EVC2: variants seen among roughly 807,000 people sequenced by gnomAD.
The protein encoded by EVC2 is EvC ciliary complex subunit 2.
A neutral mutation model predicts 149.3 loss-of-function variants in EVC2; 148 were observed. That is an observed-to-expected ratio of 0.99 (90% CI 0.87 to 1.14). The LOEUF is 1.14. Ranked by LOEUF, EVC2 falls within the 50% of genes most tolerant of loss-of-function variation. The probability of loss-of-function intolerance (pLI) is 0.00; values close to 1 mark genes in which losing one functional copy is unlikely to be tolerated. For missense variants in EVC2, 1,854 were observed against 1,627.3 expected (o/e 1.14, Z -2.40); for synonymous variants, 776 against 649.9 (o/e 1.19, Z -2.95).
intron 9 of EVC2, among the ~76,000 whole-genome samples, chr4:5,648,873 G>A (rs1717912101): frequency 1.3e-5 from 2 of 152,154 alleles, no homozygotes; most frequent in Admixed American, 1.3e-4. Flanking sequence ...AAAATACCAT[G>A]CCACTAATGA....
At chr4:5,617,583 TTCAGATA>T (rs1274361074) in intron 15 of EVC2, among the ~76,000 whole-genome samples, 2 of 152,032 alleles carry the variant, frequency 1.3e-5, no homozygotes, top group African/African-American at 4.8e-5. Flanking sequence ...ACCAGCACAT[TTCAGATA>T]ATGATAAAGA....
chr4:5,534,065 GGCACTAGAA>G, the EVC2 span, among the ~76,000 whole-genome samples: 43 of 152,300 alleles, frequency 2.8e-4, 1 homozygote, highest in African/African-American at 1.0e-3. Context: ...GCGATGAGGA[GGCACTAGAA>G]GATTTTAAGC....
intron 9 of EVC2, among the ~76,000 whole-genome samples, chr4:5,661,925 C>T (rs927974808): frequency 9.2e-5 from 14 of 152,182 alleles, no homozygotes; most frequent in African/African-American, 1.2e-4. Context: ...GAGGATTATA[C>T]GAGTTAGTTC....
chr4:5,620,247 C>T (rs1463563087), intron 14 of EVC2, among the ~76,000 whole-genome samples: 2 of 152,102 alleles, frequency 1.3e-5, no homozygotes, highest in African/African-American at 4.8e-5. Flanking sequence ...CTGATTACGC[C>T]GAATCCAAAG....
Position 5,640,528 on chromosome 4 carries a change from G to A in EVC2, c.1456C>T (p.Arg486Cys), listed in dbSNP as rs780919705. 2.8e-5 allele frequency: 45 copies of A among 1,613,982 alleles called. No homozygotes were observed. In the East Asian group the frequency reaches 4.7e-4, roughly 17 times the overall value. The change falls in exon 10 of 22, where the codon CGT becomes TGT. Residue 486 changes from arginine to cysteine, a missense_variant. Coordinates refer to ENST00000344408, the MANE Select transcript of EVC2 (RefSeq NM_147127.5). This position sits in a 1 kb window ranked among gnomAD's most constrained non-coding sequence, Gnocchi z 4.6. ...ACCTGTCTTACCCTCTCACCAGCAC[G>A]TTTCAGCAACTCTTCTGCTTCCTCC... ...AMEEAEELLKRAGERSAVECS... is the reference protein window; with the variant it reads ...AMEEAEELLKCAGERSAVECS...
intron 12 of EVC2, among the ~76,000 whole-genome samples, chr4:5,626,943 C>T (rs562213153): frequency 6.6e-6 from 1 of 152,302 alleles, no homozygotes; most frequent in East Asian, 1.9e-4. Context: ...CCTGGGTCTC[C>T]AGCTTGCAGG....
intron 6 of EVC2, among the ~76,000 whole-genome samples, chr4:5,681,922 T>C (rs1326009604): frequency 6.6e-6 from 1 of 152,050 alleles, no homozygotes; most frequent in East Asian, 1.9e-4. Context: ...TGACAGGCTG[T>C]CTATAGGGTG....
intron 9 of EVC2, among the ~76,000 whole-genome samples, chr4:5,652,899 C>T (rs1718247829): frequency 6.6e-6 from 1 of 152,152 alleles, no homozygotes; most frequent in Admixed American, 6.6e-5. Flanking sequence ...TAGCCAAGTA[C>T]CATCAGCTAG....
At chr4:5,682,037 G>T (rs372742656) in intron 6 of EVC2, among the ~76,000 whole-genome samples, 11 of 152,294 alleles carry the variant, frequency 7.2e-5, no homozygotes, top group African/African-American at 2.6e-4. Flanking sequence ...TTTCTCATCT[G>T]TGAAATGGTA....
At position 5,694,399 on chromosome 4, in the gene EVC2, G is replaced by T; in HGVS notation, c.386C>A (p.Ala129Asp). The T allele has an allele frequency of 6.2e-7, 1 of 1,614,140 alleles. No individual in the cohort carries two copies. Among genetic ancestry groups the T allele is most frequent in the South Asian group, 1.1e-5 (1 of 91,074 alleles). The change falls in exon 3 of 22, where the codon GCT becomes GAT. Residue 129 changes from alanine (A) to aspartate (D), a missense_variant. Physicochemically the swap from Ala to Asp is moderately radical, Grantham distance 126. Transcript: ENST00000344408. ...CTTCTTAGGCCAGGAGGGTATAAAAGCAAATAAGGAATGAGCCCATGGCCC... is the reference window on the plus strand; with the variant it reads ...CTTCTTAGGCCAGGAGGGTATAAAATCAAATAAGGAATGAGCCCATGGCCC... Reference protein sequence around the residue: ...SSGPWAHSLFAFIPSWPKKNL... With the variant: ...SSGPWAHSLFDFIPSWPKKNL...
chr4:5,568,596 G>T lies in EVC2; in HGVS notation c.3405C>A (p.Pro1135=). The change falls in exon 20 of 22, where the codon CCC becomes CCA. Residue 1135 remains proline, a synonymous_variant. Transcript: ENST00000344408. ...ASYLARMAMV[P]GATLRRLLSV... is the part of the protein sequence containing the mutation. Reference sequence around the variant, plus strand: ...TCAGGAGCCGGCGAAGCGTGGCCCCGGGCACCATGGCCATCCTCGCCAGGT... The same window carrying T: ...TCAGGAGCCGGCGAAGCGTGGCCCCTGGCACCATGGCCATCCTCGCCAGGT... 1 of 1,608,708 alleles carries T rather than the reference G, an allele frequency of 6.2e-7. No homozygotes were observed.
At chr4:5,547,064 G>C (rs1721636079) in intron 21 of EVC2, among the ~76,000 whole-genome samples, 1 of 152,340 alleles carries the variant, frequency 6.6e-6, no homozygotes, top group East Asian at 1.9e-4. Context: ...GCACTCTTGG[G>C]GGTCCAGGAA....
rs74390402 is a variant in EVC2 at position 5,706,904 on chromosome 4, C to T, written c.228+1382G>A. Among the ~76,000 whole-genome samples, 1,259 of 152,272 alleles carry T rather than the reference C, an allele frequency of 8.3e-3. 19 individuals are homozygous for T. The highest frequency in any genetic ancestry group is 0.029 in the African/African-American group (1,191 of 41,548). On this transcript the variant is annotated intron_variant, in intron 1 of 21. Transcript: ENST00000344408. The stretch of plus-strand genomic sequence containing the variant: ...CCTTGAGGGTGAGGTACTCTACACC[C>T]ACCATGGTCCTAGATGGCTTCAGGC...
At chr4:5,608,536 A>C (rs116719055) in intron 16 of EVC2, among the ~76,000 whole-genome samples, 2,630 of 151,960 alleles carry the variant, frequency 0.017, 80 homozygotes, top group African/African-American at 0.06. Context: ...TTGTTATTTT[A>C]TTATTTTATT....
Position 5,618,373 on chromosome 4 carries a change from A to T in EVC2, c.2706+105T>A. 4.0e-6 allele frequency: 5 copies of T among 1,244,766 alleles called. No individual in the cohort carries two copies. Among genetic ancestry groups the T allele is most frequent in the Non-Finnish European group, 5.8e-6 (5 of 857,164 alleles). The allele number at this position is 1,244,766 out of a possible 1,614,324, so 77.1% of individuals were successfully genotyped here. On this transcript the variant is annotated intron_variant, in intron 15 of 21. Coordinates refer to ENST00000344408, the MANE Select transcript of EVC2 (RefSeq NM_147127.5). The surrounding 1 kb of genome is among the most constrained non-coding windows in gnomAD (Gnocchi z 4.4). ...GCCAGAGAGGAGAGGATAGGGGAGCATGAGGTGAGATGGGCTCAGGCTGGG... is the reference window on the plus strand; with the variant it reads ...GCCAGAGAGGAGAGGATAGGGGAGCTTGAGGTGAGATGGGCTCAGGCTGGG...
intron 19 of EVC2, among the ~76,000 whole-genome samples, chr4:5,573,388 GGAA>G (rs2108775711): frequency 6.6e-6 from 1 of 152,262 alleles, no homozygotes; most frequent in East Asian, 1.9e-4. Flanking sequence ...TGAGGAGGAT[GGAA>G]GAAGGGCCAG....
intron 16 of EVC2, among the ~76,000 whole-genome samples, chr4:5,602,490 C>G: frequency 6.6e-6 from 1 of 151,710 alleles, no homozygotes; most frequent in East Asian, 1.9e-4. Flanking sequence ...TCATAGAAAC[C>G]ATAAATACTG....
intron 7 of EVC2, among the ~76,000 whole-genome samples, chr4:5,676,573 T>C (rs1720008769): frequency 6.6e-6 from 1 of 152,210 alleles, no homozygotes; most frequent in South Asian, 2.1e-4. Flanking sequence ...CTCATCCTTA[T>C]GTATGTGTCA....
chr4:5,663,134 G>A lies in EVC2; in HGVS notation c.1118C>T (p.Pro373Leu). The change falls in exon 9 of 22, where the codon CCT (proline) becomes CTT (leucine). Residue 373 changes from proline (P) to leucine (L), a missense_variant. Pro to Leu is a moderately conservative substitution (Grantham distance 98). Coordinates refer to ENST00000344408, the MANE Select transcript of EVC2 (RefSeq NM_147127.5). Reference protein sequence around the residue: ...QMIDILSSEDPGSMLQALEEL... With the variant: ...QMIDILSSEDLGSMLQALEEL... Reference sequence around the variant, plus strand: ...TTCTAAGGCTTGAAGCATGCTCCCAGGGTCCTCGGAAGACAGAATGTCTAT... The same window carrying A: ...TTCTAAGGCTTGAAGCATGCTCCCAAGGTCCTCGGAAGACAGAATGTCTAT... 6.2e-7 allele frequency: 1 copy of A among 1,614,158 alleles called. No homozygotes were observed. The highest frequency in any genetic ancestry group is 1.6e-4 in the Middle Eastern group (1 of 6,062).
Sources: gnomAD v4.1 joint callset for allele counts (sites outside exome capture counted in the v4.1 genomes callset) on GRCh38, gnomAD v4.1.1 for gene constraint, Gnocchi (gnomAD v3.1) non-coding constraint, MANE v1.5 for transcripts, NCBI Gene and HGNC (gene_info 2026-07-23, HGNC 2026-07-21) for gene names.